ZNF775: variants seen among roughly 807,000 people sequenced by gnomAD.
ZNF775 encodes the protein zinc finger protein 775.
In ZNF775, 1 loss-of-function variant was observed where a neutral mutation model predicts 2.4. That is an observed-to-expected ratio of 0.41 (90% confidence interval 0.15 to 1.94). The LOEUF is 1.94. Ranked by LOEUF, ZNF775 falls within the 30% of genes most tolerant of loss-of-function variation. The pLI, the probability that ZNF775 is intolerant of heterozygous loss-of-function variation, is 0.30. For synonymous variants in ZNF775, 381 were observed against 373.3 expected (o/e 1.02, Z -0.24); for missense variants, 823 against 826.6 (o/e 1.00, Z 0.05).
Position 150,396,629 on chromosome 7 carries a change from GGCCTCCCGCCAC to G in ZNF775, c.152_163del (p.Leu51_Arg54del), listed in dbSNP as rs763419200. 6.8e-6 allele frequency: 11 copies of G among 1,611,340 alleles called. No homozygotes were observed. The highest frequency in any genetic ancestry group is 6.7e-5 in the Admixed American group (4 of 59,902). On this transcript the variant is annotated inframe_deletion, in exon 3 of 3. Transcript: ENST00000329630. ...GGAGAACATATTTCAGCAGCACCGG[GGCCTCCCGCCAC>G]GCCAGACCATGGGGCGGCCTCGAGC...
intron 1 of ZNF775, among the ~76,000 whole-genome samples, chr7:150,381,970 G>C (rs560499085): frequency 2.6e-5 from 4 of 152,026 alleles, no homozygotes; most frequent in Non-Finnish European, 5.9e-5. Context: ...GGTGGGACAG[G>C]GGAGTTGTGG....
intron 2 of ZNF775, among the ~76,000 whole-genome samples, chr7:150,389,606 T>C (rs899350280): frequency 6.6e-6 from 1 of 152,200 alleles, no homozygotes; most frequent in Non-Finnish European, 1.5e-5. Flanking sequence ...ATACCTGGGA[T>C]CCTGAGTCAC....
chr7:150,388,095 A>C (rs192748471), intron 1 of ZNF775, among the ~76,000 whole-genome samples: 12 of 152,226 alleles, frequency 7.9e-5, no homozygotes, highest in African/African-American at 2.4e-4. Flanking sequence ...CGCCCTGCGA[A>C]TGTTGAGGGT....
At chr7:150,379,784 T>G (rs1242543841) in intron 1 of ZNF775, 2 of 152,396 alleles carry the variant, frequency 1.3e-5, no homozygotes, top group African/African-American at 4.8e-5. Context: ...TTCGCCTCCC[T>G]GATAGATCAG....
Position 150,396,843 on chromosome 7 carries a change from C to A in ZNF775, c.362C>A (p.Ser121Tyr). Residue 121 changes from serine (S) to tyrosine (Y), a missense_variant, in exon 3 of 3, where the codon TCC becomes TAC. Physicochemically the swap from Ser to Tyr is moderately radical, Grantham distance 144. Coordinates refer to ENST00000329630, the MANE Select transcript of ZNF775 (RefSeq NM_173680.4). ...DCGKRFSWWS[S>Y]LKIHQRTHTG... ...GGGAAGAGGTTCAGCTGGTGGTCGT[C>A]CCTGAAGATCCACCAGCGCACCCAC... 1 of 1,602,902 alleles carries A rather than the reference C, an allele frequency of 6.2e-7. No homozygotes were observed. The highest frequency in any genetic ancestry group is 8.5e-7 in the Non-Finnish European group (1 of 1,179,430).
At chr7:150,395,901 A>G (rs986656230) in intron 2 of ZNF775, among the ~76,000 whole-genome samples, 1 of 152,004 alleles carries the variant, frequency 6.6e-6, no homozygotes, top group African/African-American at 2.4e-5. Context: ...CCAGACAGCC[A>G]AGGTCCCAGC....
At chr7:150,379,833 A>T (rs1800329591) in intron 1 of ZNF775, 1 of 152,382 alleles carries the variant, frequency 6.6e-6, no homozygotes, top group Non-Finnish European at 1.5e-5. Context: ...CTGCAGAGTG[A>T]CAGACACATA....
Position 150,382,896 on chromosome 7 carries a change from G to GT in ZNF775, c.-50+3505dup, listed in dbSNP as rs149109479. 19,509 of 152,470 alleles carry GT rather than the reference G, an allele frequency of 0.13. 1,950 individuals carry two copies. Among genetic ancestry groups the GT allele is most frequent in the African/African-American group, 0.28 (11,782 of 41,486 alleles). 9.4% of individuals were successfully genotyped at this position (152,470 alleles called of 1,614,324 possible). A position where few individuals can be genotyped will look rare whatever the true frequency, so the allele number is the denominator to read the frequency against. On this transcript the variant is annotated intron_variant, in intron 1 of 2. Coordinates refer to ENST00000329630, the MANE Select transcript of ZNF775 (RefSeq NM_173680.4). This position sits in a 1 kb window ranked among gnomAD's most constrained non-coding sequence, Gnocchi z 4.6. Reference sequence around the variant, plus strand: ...AGTGACCCTGATGGGATGGCCATGGGTGTACAAGGATACTTGTGTCATGGG... The same window carrying GT: ...AGTGACCCTGATGGGATGGCCATGGGTTGTACAAGGATACTTGTGTCATGGG...
rs1283922578 is a variant in ZNF775, at chr7:150,397,643, C to G, written c.1162C>G (p.His388Asp). The change falls in exon 3 of 3, where the codon CAC (histidine) becomes GAC (aspartate). Residue 388 changes from histidine (H) to aspartate (D), a missense_variant. By Grantham distance (81) the His-to-Asp change is moderately conservative. Transcript: ENST00000329630. ...CGCGCTGCGCGCCCACCAGCGCGCC[C>G]ACGCTGTCGCTGAGCCCGCCGTTCC... is the stretch of plus-strand genomic sequence containing the variant. ...RAALRAHQRA[H>D]AVAEPAVPAG... is the part of the protein sequence containing the mutation. 6 of 1,326,454 alleles carry G rather than the reference C, an allele frequency of 4.5e-6. No homozygotes were observed. The highest frequency in any genetic ancestry group is 4.8e-6 in the Non-Finnish European group (5 of 1,043,418). 82.2% of individuals were successfully genotyped at this position (1,326,454 alleles called of 1,614,324 possible). A position where few individuals can be genotyped will look rare whatever the true frequency, so the allele number is the denominator to read the frequency against.
Position 150,397,623 on chromosome 7 carries a change from T to TGCGCGCCCACCA in ZNF775, c.1153_1164dup (p.Gln385_His388dup), listed in dbSNP as rs1246967744. ...AAGAGCTGCCGCAGCCGCGCCGCGC[T>TGCGCGCCCACCA]GCGCGCCCACCAGCGCGCCCACGCT... On this transcript the variant is annotated inframe_insertion, in exon 3 of 3. Coordinates refer to ENST00000329630, the MANE Select transcript of ZNF775 (RefSeq NM_173680.4). 8.4e-5 allele frequency: 115 copies of TGCGCGCCCACCA among 1,366,538 alleles called. No homozygotes were observed. The East Asian group carries it at 1.2e-3, about 14-fold the overall frequency. 84.7% of individuals were successfully genotyped at this position (1,366,538 alleles called of 1,614,324 possible). A position where few individuals can be genotyped will look rare whatever the true frequency, so the allele number is the denominator to read the frequency against.
At chr7:150,389,435 A>C (rs1800517519) in intron 2 of ZNF775, among the ~76,000 whole-genome samples, 1 of 152,268 alleles carries the variant, frequency 6.6e-6, no homozygotes, top group Non-Finnish European at 1.5e-5. Flanking sequence ...TGGTGTGTGG[A>C]CACAGACCCT....
chr7:150,396,624 ACCGGGGCCTCC>A lies in ZNF775; in HGVS notation c.145_155del (p.Arg49AlafsTer27), dbSNP rs1800659278. On this transcript the variant is annotated frameshift_variant, in exon 3 of 3. Transcript: ENST00000329630. LOFTEE classifies it low-confidence loss of function (END_TRUNC). ...GACAAGGAGAACATATTTCAGCAGC[ACCGGGGCCTCC>A]CGCCACGCCAGACCATGGGGCGGCC... 1 of 1,609,912 alleles carries A rather than the reference ACCGGGGCCTCC, an allele frequency of 6.2e-7. No homozygotes were observed. The highest frequency in any genetic ancestry group is 8.5e-7 in the Non-Finnish European group (1 of 1,179,048).
chr7:150,379,841 A>AT (rs1250691950), intron 1 of ZNF775: 1 of 152,334 alleles, frequency 6.6e-6, no homozygotes, highest in African/African-American at 2.4e-5. Flanking sequence ...TGACAGACAC[A>AT]TAGTAGGTGA....
rs965530510 is a variant in ZNF775 at position 150,397,185 on chromosome 7, G to A, written c.704G>A (p.Arg235Gln). The A allele has an allele frequency of 8.2e-7, 1 of 1,213,434 alleles. No homozygotes were observed. The highest frequency in any genetic ancestry group is 1.0e-6 in the Non-Finnish European group (1 of 976,370). The allele number at this position is 1,213,434 out of a possible 1,614,324, so 75.2% of individuals were successfully genotyped here. A position where few individuals can be genotyped will look rare whatever the true frequency, so the allele number is the denominator to read the frequency against. The change falls in exon 3 of 3, where the codon CGG becomes CAG. Residue 235 changes from arginine to glutamine, a missense_variant. Arg to Gln is a conservative substitution (Grantham distance 43). Transcript: ENST00000329630. The stretch of plus-strand genomic sequence containing the variant: ...CTGATTCAGGACGCGGCGGCGCGCC[G>A]GGCCTGTCGCCTGCAGCCGGGGCCG... Reference protein sequence around the residue: ...HELIQDAAARRACRLQPGPPR... With the variant: ...HELIQDAAARQACRLQPGPPR...
Position 150,398,047 on chromosome 7 carries a change from C to T in ZNF775, c.1566C>T (p.Arg522=). The stretch of plus-strand genomic sequence containing the variant: ...AGCAGCACCTGCTCAAGCACCAGCG[C>T]GTGCACCGCGCGGCCCCTGCGTGCA... ...SQKQHLLKHQ[R]VHRAAPACSP... is the part of the protein sequence containing the mutation. The change falls in exon 3 of 3, where the codon CGC becomes CGT. Residue 522 remains arginine, a synonymous_variant. Transcript: ENST00000329630. 2 of 1,570,180 alleles carry T rather than the reference C, an allele frequency of 1.3e-6. No individual in the cohort carries two copies. The highest frequency in any genetic ancestry group is 1.7e-6 in the Non-Finnish European group (2 of 1,163,034).
At chr7:150,385,494 C>T (rs377007167) in intron 1 of ZNF775, among the ~76,000 whole-genome samples, 18 of 58,572 alleles carry the variant, frequency 3.1e-4, no homozygotes, top group African/African-American at 1.1e-3. Flanking sequence ...ACTGCAAAGA[C>T]GGGAGCTCTG....
intron 2 of ZNF775, among the ~76,000 whole-genome samples, chr7:150,389,628 T>C (rs1406133501): frequency 6.6e-6 from 1 of 152,162 alleles, no homozygotes; most frequent in Non-Finnish European, 1.5e-5. Context: ...GTGAGGTTGC[T>C]CTGGTTGATG....
rs556445566 is a variant in ZNF775 at position 150,384,603 on chromosome 7, C to T, written c.-49-3819C>T. ...GCCCACCTGAGCACACAGGTAGAGG[C>T]GGGTCCCCAAAGACTTGGCCTCCCC... is the stretch of plus-strand genomic sequence containing the variant. On this transcript the variant is annotated intron_variant, in intron 1 of 2. Transcript: ENST00000329630. This position sits in a 1 kb window ranked among gnomAD's most constrained non-coding sequence, Gnocchi z 4.1. Among the ~76,000 whole-genome samples the T allele has an allele frequency of 2.6e-5, 4 of 152,174 alleles. No homozygotes were observed. Among genetic ancestry groups the T allele is most frequent in the Non-Finnish European group, 4.4e-5 (3 of 68,010 alleles).
In ZNF775 at chr7:150,397,467, G is replaced by T. The variant is rs1453321554; in HGVS notation, c.986G>T (p.Arg329Leu). The change falls in exon 3 of 3, where the codon CGC (arginine) becomes CTC (leucine). Residue 329 changes from arginine (R) to leucine (L), a missense_variant. Transcript: ENST00000329630. Reference sequence around the variant, plus strand: ...AAGCCCAACTTGACGCGGCACCTGCGCAACCACACAGGCGAGCGCCCGCAC... The same window carrying T: ...AAGCCCAACTTGACGCGGCACCTGCTCAACCACACAGGCGAGCGCCCGCAC... Reference protein sequence around the residue: ...SQKPNLTRHLRNHTGERPHPC... With the variant: ...SQKPNLTRHLLNHTGERPHPC... 6.3e-6 allele frequency: 10 copies of T among 1,593,016 alleles called. No homozygotes were observed. The highest frequency in any genetic ancestry group is 7.7e-6 in the Non-Finnish European group (9 of 1,174,954).
Sources: allele counts gnomAD v4.1 joint callset (sites outside exome capture counted in the v4.1 genomes callset), GRCh38; gene constraint gnomAD v4.1.1; non-coding constraint Gnocchi (gnomAD v3.1); transcripts MANE v1.5; gene names NCBI Gene and HGNC (gene_info 2026-07-23, HGNC 2026-07-21).